PVT1: variants seen among roughly 807,000 people sequenced by gnomAD.
The protein encoded by PVT1 is CXCR4/PVT1 fusion.
chr8:127,895,610 T>A lies in PVT1; in HGVS notation n.782+4612T>A, dbSNP rs184992764. Among the ~76,000 whole-genome samples the A allele has an allele frequency of 3.3e-4, 50 of 152,310 alleles. No homozygotes were observed. In the East Asian group the frequency reaches 8.7e-3, roughly 26 times the overall value. ...GTACTCAGGGAATACTAGTTTTTTTTAAATAAAATTTTAAAATGGGATTAG... is the reference window on the plus strand; with the variant it reads ...GTACTCAGGGAATACTAGTTTTTTTAAAATAAAATTTTAAAATGGGATTAG... On this transcript the variant is annotated intron_variant and non_coding_transcript_variant, in intron 3 of 10. Coordinates refer to ENST00000651587, the Ensembl canonical transcript of PVT1.
chr8:127,917,821 C>T (rs531230545), intron 3 of PVT1, among the ~76,000 whole-genome samples: 11 of 152,240 alleles, frequency 7.2e-5, no homozygotes, highest in Non-Finnish European at 1.3e-4. Flanking sequence ...GGTTAGTCAG[C>T]GTCTGGTGGC....
intron 2 of PVT1, among the ~76,000 whole-genome samples, chr8:127,861,304 C>T (rs1450323272): frequency 2.0e-5 from 3 of 152,176 alleles, no homozygotes; most frequent in Non-Finnish European, 4.4e-5. Context: ...ATGACTAGGA[C>T]TTTGGACAAA....
chr8:127,882,277 C>T (rs1024653772), intron 2 of PVT1, among the ~76,000 whole-genome samples: 4 of 152,062 alleles, frequency 2.6e-5, no homozygotes, highest in East Asian at 3.9e-4. Flanking sequence ...GGAAGTGAAA[C>T]GAAGCAAAAA....
intron 2 of PVT1, among the ~76,000 whole-genome samples, chr8:127,875,506 AT>A (rs1340281117): frequency 6.6e-6 from 1 of 152,168 alleles, no homozygotes; most frequent in Non-Finnish European, 1.5e-5. Context: ...GGACTGAAGG[AT>A]TTAAAGGGAT....
At chr8:127,896,903 G>A (rs1815686115) in intron 3 of PVT1, among the ~76,000 whole-genome samples, 1 of 151,272 alleles carries the variant, frequency 6.6e-6, no homozygotes, top group Non-Finnish European at 1.5e-5. Flanking sequence ...TAGCTATCTA[G>A]TGTTTGCTCT....
chr8:127,933,901 C>A (rs1169613697), intron 3 of PVT1, among the ~76,000 whole-genome samples: 1 of 152,198 alleles, frequency 6.6e-6, no homozygotes, highest in African/African-American at 2.4e-5. Context: ...ATTGTTTGAG[C>A]CTCTAAAGTG....
At chr8:127,845,409 GCT>G (rs1177837438) in intron 2 of PVT1, among the ~76,000 whole-genome samples, 1 of 152,182 alleles carries the variant, frequency 6.6e-6, no homozygotes, top group Admixed American at 6.5e-5. Flanking sequence ...TACAGGAATG[GCT>G]CTCTGGTGGA....
intron 4 of PVT1, among the ~76,000 whole-genome samples, chr8:127,994,675 G>T (rs1817084461): frequency 6.6e-6 from 1 of 152,186 alleles, no homozygotes; most frequent in African/African-American, 2.4e-5. Context: ...GAGGGGTCCT[G>T]TGATTTGCCA....
At chr8:127,848,222 C>T (rs758562439) in intron 2 of PVT1, among the ~76,000 whole-genome samples, 36 of 152,140 alleles carry the variant, frequency 2.4e-4, no homozygotes, top group African/African-American at 5.3e-4. Context: ...TCTATTCACG[C>T]GACTGATATA....
At chr8:127,917,719 G>A (rs995878664) in intron 3 of PVT1, among the ~76,000 whole-genome samples, 1 of 152,244 alleles carries the variant, frequency 6.6e-6, no homozygotes, top group African/African-American at 2.4e-5. Flanking sequence ...CCGCCCCAAC[G>A]CGCCTACAGC....
intron 3 of PVT1, among the ~76,000 whole-genome samples, chr8:127,949,427 C>T (rs866414506): frequency 1.8e-5 from 1 of 55,636 alleles, no homozygotes; most frequent in Admixed American, 1.5e-4. Flanking sequence ...GTGTGTGTAT[C>T]TGTCTGTCTC....
At chr8:128,064,137 G>A (rs1228878218) in intron 4 of PVT1, among the ~76,000 whole-genome samples, 2 of 152,100 alleles carry the variant, frequency 1.3e-5, no homozygotes, top group Admixed American at 6.5e-5. Context: ...TGCAGTACCC[G>A]TCCCTGGCAG....
At chr8:127,991,017 A>G (rs2129998328) in intron 4 of PVT1, among the ~76,000 whole-genome samples, 1 of 152,290 alleles carries the variant, frequency 6.6e-6, no homozygotes, top group East Asian at 1.9e-4. Flanking sequence ...ACCTTTGTGC[A>G]TTCATATTAC....
intron 2 of PVT1, among the ~76,000 whole-genome samples, chr8:127,871,449 CT>C (rs1815350919): frequency 6.6e-6 from 1 of 152,182 alleles, no homozygotes; most frequent in South Asian, 2.1e-4. Flanking sequence ...GTCGGCACAG[CT>C]GATGAGGTCT....
chr8:128,088,947 C>G (rs1814312674), intron 5 of PVT1, among the ~76,000 whole-genome samples: 1 of 152,186 alleles, frequency 6.6e-6, no homozygotes, highest in African/African-American at 2.4e-5. Flanking sequence ...CACTGCCAGG[C>G]CCTGACCCCA....
intron 2 of PVT1, among the ~76,000 whole-genome samples, chr8:127,865,478 A>T (rs527932753): frequency 6.6e-6 from 1 of 152,338 alleles, no homozygotes; most frequent in African/African-American, 2.4e-5. Flanking sequence ...GCCCAGTCTC[A>T]TCACAGAGTC....
intron 3 of PVT1, among the ~76,000 whole-genome samples, chr8:127,956,487 TTC>T (rs1356007788): frequency 6.6e-6 from 1 of 152,266 alleles, no homozygotes; most frequent in Non-Finnish European, 1.5e-5. Context: ...GTTGTGTTTT[TTC>T]TGTTTTTGTT....
At chr8:127,814,725 G>A (rs1410531778) in intron 2 of PVT1, among the ~76,000 whole-genome samples, 2 of 152,124 alleles carry the variant, frequency 1.3e-5, no homozygotes, top group African/African-American at 2.4e-5. Context: ...CAATTCAGTG[G>A]CATTAAGGCC....
intron 2 of PVT1, among the ~76,000 whole-genome samples, chr8:127,867,034 C>T (rs1253529907): frequency 6.6e-6 from 1 of 152,236 alleles, no homozygotes; most frequent in Non-Finnish European, 1.5e-5. Flanking sequence ...GCATGGGCTG[C>T]TCGCCTGAAT....
Sources: gnomAD v4.1 joint callset for allele counts (sites outside exome capture counted in the v4.1 genomes callset) on GRCh38, gnomAD v4.1.1 for gene constraint, MANE v1.5 for transcripts, NCBI Gene and HGNC (gene_info 2026-07-23, HGNC 2026-07-21) for gene names.